Variants in PSD3 observed in about 807,000 individuals in gnomAD.
PSD3 encodes PH and SEC7 domain-containing protein 3.
Under a neutral mutation model 105.5 loss-of-function variants are expected in PSD3, and 49 were observed. That is an observed-to-expected ratio of 0.46 (90% confidence interval 0.37 to 0.59). The LOEUF is 0.59. Among genes scored for constraint, PSD3 ranks in the 20% least tolerant of loss-of-function variants. The probability of loss-of-function intolerance (pLI) is 0.00; values close to 1 mark genes in which losing one functional copy is unlikely to be tolerated. For synonymous variants in PSD3, 557 were observed against 457.8 expected (o/e 1.22, Z -2.77); for missense variants, 1,561 against 1,263.8 (o/e 1.24, Z -3.57).
intron 1 of PSD3, among the ~76,000 whole-genome samples, chr8:19,033,774 C>A (rs755038955): frequency 6.6e-6 from 1 of 151,950 alleles, no homozygotes; most frequent in Non-Finnish European, 1.5e-5. Context: ...GACACCACAG[C>A]CCCACAAACA....
intron 1 of PSD3, among the ~76,000 whole-genome samples, chr8:19,037,213 A>T (rs1031259918): frequency 6.6e-6 from 1 of 152,242 alleles, no homozygotes; most frequent in African/African-American, 2.4e-5. Context: ...TGTGCTGAAG[A>T]ATCTGACCTG....
intron 9 of PSD3, among the ~76,000 whole-genome samples, chr8:18,699,756 G>C (rs947181472): frequency 2.6e-5 from 4 of 151,948 alleles, no homozygotes; most frequent in Non-Finnish European, 4.4e-5. Context: ...AATGGTGGGT[G>C]GTCACACTGG....
chr8:18,728,254 C>A (rs1803479243), intron 9 of PSD3, among the ~76,000 whole-genome samples: 1 of 152,180 alleles, frequency 6.6e-6, no homozygotes, highest in Non-Finnish European at 1.5e-5. Flanking sequence ...TGCAAGAATT[C>A]AATGAAAAGT....
intron 3 of PSD3, among the ~76,000 whole-genome samples, chr8:18,868,455 C>A (rs1817108680): frequency 6.6e-6 from 1 of 152,052 alleles, no homozygotes; most frequent in Admixed American, 6.6e-5. Context: ...CTTGATACGG[C>A]AAAATTTCAG....
intron 4 of PSD3, among the ~76,000 whole-genome samples, chr8:18,807,633 C>G (rs996231796): frequency 6.6e-6 from 1 of 152,186 alleles, no homozygotes; most frequent in African/African-American, 2.4e-5. Context: ...GGCAGAACAG[C>G]AGGCATTAAC....
intron 8 of PSD3, among the ~76,000 whole-genome samples, chr8:18,766,482 T>C (rs891692094): frequency 6.6e-6 from 1 of 152,166 alleles, no homozygotes; most frequent in African/African-American, 2.4e-5. Context: ...AGAAAAAAAC[T>C]TGAAAAACCG....
chr8:18,703,445 G>A (rs1801706696), intron 9 of PSD3, among the ~76,000 whole-genome samples: 1 of 152,148 alleles, frequency 6.6e-6, no homozygotes, highest in Admixed American at 6.5e-5. Context: ...ATTATCACTA[G>A]GTGGTTGGAC....
At chr8:19,070,224 G>A (rs74996515) in intron 1 of PSD3, among the ~76,000 whole-genome samples, 36,023 of 151,736 alleles carry the variant, frequency 0.24, 5,267 homozygotes, top group South Asian at 0.35. Flanking sequence ...GATAGCATTC[G>A]TTTTTAATGT....
chr8:19,055,474 A>G (rs977532545), intron 1 of PSD3, among the ~76,000 whole-genome samples: 1 of 152,172 alleles, frequency 6.6e-6, no homozygotes, highest in Non-Finnish European at 1.5e-5. Flanking sequence ...GCTGGTCTCG[A>G]ACTCCTGACC....
At chr8:18,653,956 G>T (rs757679451) in intron 10 of PSD3, among the ~76,000 whole-genome samples, 3 of 152,078 alleles carry the variant, frequency 2.0e-5, no homozygotes, top group Non-Finnish European at 4.4e-5. Context: ...ATTTCAGCAA[G>T]ATTCTGACTA....
intron 7 of PSD3, chr8:18,801,035 ATATT>A: frequency 3.1e-6 from 1 of 326,830 alleles, no homozygotes. Context: ...CTTTTAAAGA[ATATT>A]TAATGACATG....
At chr8:18,591,933 T>C (rs1214001012) in intron 12 of PSD3, among the ~76,000 whole-genome samples, 1 of 152,124 alleles carries the variant, frequency 6.6e-6, no homozygotes, top group African/African-American at 2.4e-5. Flanking sequence ...CAAAGATGAC[T>C]GGTGAGGGGC....
At chr8:19,062,477 G>T (rs1344552761) in intron 1 of PSD3, among the ~76,000 whole-genome samples, 1 of 152,106 alleles carries the variant, frequency 6.6e-6, no homozygotes, top group Non-Finnish European at 1.5e-5. Context: ...AACAGCAAGA[G>T]ACCACTGTTT....
At chr8:19,081,839 A>G (rs1327779439) in intron 1 of PSD3, among the ~76,000 whole-genome samples, 1 of 152,190 alleles carries the variant, frequency 6.6e-6, no homozygotes. Flanking sequence ...AATTGACACT[A>G]GGACCTCAAC....
intron 9 of PSD3, among the ~76,000 whole-genome samples, chr8:18,728,122 T>C (rs1025686639): frequency 3.9e-5 from 6 of 151,950 alleles, no homozygotes; most frequent in African/African-American, 1.2e-4. Context: ...ACAAAGGAGT[T>C]TATCATTATA....
intron 9 of PSD3, among the ~76,000 whole-genome samples, chr8:18,735,216 A>G (rs1804061646): frequency 6.6e-6 from 1 of 152,162 alleles, no homozygotes; most frequent in South Asian, 2.1e-4. Context: ...CTTTATAGAG[A>G]TAAGAGGAGA....
At chr8:18,881,717 C>A (rs1170313561) in intron 2 of PSD3, among the ~76,000 whole-genome samples, 1 of 152,140 alleles carries the variant, frequency 6.6e-6, no homozygotes, top group East Asian at 1.9e-4. Flanking sequence ...TCAGTCATGC[C>A]ATTTTTTAGT....
chr8:18,838,138 T>G (rs1416768388), intron 4 of PSD3, among the ~76,000 whole-genome samples: 1 of 152,262 alleles, frequency 6.6e-6, no homozygotes, highest in East Asian at 1.9e-4. Flanking sequence ...TAATGCCATC[T>G]GACACAGCTC....
At chr8:18,565,070 G>T (rs565495197) in intron 14 of PSD3, among the ~76,000 whole-genome samples, 18 of 152,258 alleles carry the variant, frequency 1.2e-4, no homozygotes, top group African/African-American at 4.1e-4. Context: ...ACAGTGTAGG[G>T]TTTAAGTGGG....
Sources: allele counts gnomAD v4.1 joint callset (sites outside exome capture counted in the v4.1 genomes callset), GRCh38; gene constraint gnomAD v4.1.1; transcripts MANE v1.5; gene names NCBI Gene and HGNC (gene_info 2026-07-23, HGNC 2026-07-21).